PKP2: variants seen among roughly 807,000 people sequenced by gnomAD.
PKP2 encodes the protein plakophilin 2.
A neutral mutation model predicts 83.4 loss-of-function variants in PKP2; 73 were observed. The observed-to-expected ratio is 0.88, with a 90% CI of 0.72 to 1.06. The LOEUF (loss-of-function observed/expected upper bound fraction) is 1.06, where lower values mean the gene tolerates loss of function less well. Among genes scored for constraint, PKP2 ranks in the 50% least tolerant of loss-of-function variants. PKP2 has a pLI of 0.00. For synonymous variants in PKP2, 409 were observed against 430.4 expected (o/e 0.95, Z 0.62); for missense variants, 966 against 1,065.4 (o/e 0.91, Z 1.30).
chr12:32,890,707 C>T (rs1179463651), intron 1 of PKP2, among the ~76,000 whole-genome samples: 1 of 151,978 alleles, frequency 6.6e-6, no homozygotes, highest in Non-Finnish European at 1.5e-5. Flanking sequence ...GCCTGAGATC[C>T]CAGCACTTTG....
intron 2 of PKP2, 97 bp downstream of exon 2, chr12:32,878,823 T>C (rs1427081701): frequency 7.5e-6 from 6 of 802,372 alleles, no homozygotes; most frequent in Non-Finnish European, 1.3e-5. Context: ...ATGATAATAC[T>C]TGGGAAAAGT....
chr12:32,881,374 C>G (rs546265336), intron 1 of PKP2, among the ~76,000 whole-genome samples: 17 of 152,196 alleles, frequency 1.1e-4, no homozygotes, highest in Admixed American at 1.0e-3. Context: ...AATTTTTAAT[C>G]TCTATGGCAA....
chr12:32,869,214 A>C (rs1565596308), intron 3 of PKP2, 152 bp from the exon 4 acceptor site: 1 of 829,456 alleles, frequency 1.2e-6, no homozygotes, highest in Non-Finnish European at 2.0e-6. Context: ...TCAGCACCCA[A>C]GATCACAAGG....
At chr12:32,830,274 T>C (rs936954179) in intron 6 of PKP2, among the ~76,000 whole-genome samples, 4 of 152,198 alleles carry the variant, frequency 2.6e-5, no homozygotes, top group African/African-American at 9.7e-5. Flanking sequence ...TTGGGCCTTG[T>C]CTGTGATTAA....
At chr12:32,807,542 T>G (rs1209502741) in intron 9 of PKP2, among the ~76,000 whole-genome samples, 2 of 152,202 alleles carry the variant, frequency 1.3e-5, no homozygotes, top group African/African-American at 4.8e-5. Flanking sequence ...AGGCTAGTAT[T>G]GTTATGTGTG....
chr12:32,861,239 A>G (rs1173369860), intron 4 of PKP2, among the ~76,000 whole-genome samples: 4 of 152,192 alleles, frequency 2.6e-5, no homozygotes, highest in Non-Finnish European at 1.5e-5. Flanking sequence ...AGAAAAACCA[A>G]TCAATCAAAA....
Position 32,843,277 on chromosome 12 carries a change from G to A in PKP2, c.1379-2072C>T, listed in dbSNP as rs758950276. The A allele has an allele frequency of 4.1e-5, 56 of 1,349,464 alleles. No homozygotes were observed. The highest frequency in any genetic ancestry group is 5.3e-5 in the Non-Finnish European group (53 of 1,008,604). The allele number at this position is 1,349,464 out of a possible 1,614,324, so 83.6% of individuals were successfully genotyped here. On this transcript the variant is annotated intron_variant, in intron 5 of 12. Coordinates refer to ENST00000340811, the MANE Select transcript of PKP2 (RefSeq NM_001005242.3). ...ATTACAGGCGTGAGCCACCGCGCCC[G>A]GCCAGCCATTCCTACTTCTTAAATT...
chr12:32,832,183 C>G (rs1045190530), intron 6 of PKP2, among the ~76,000 whole-genome samples: 9 of 152,010 alleles, frequency 5.9e-5, no homozygotes, highest in African/African-American at 2.2e-4. Flanking sequence ...TTGAGACTAT[C>G]CTGGCCAACA....
intron 6 of PKP2, among the ~76,000 whole-genome samples, chr12:32,829,400 G>A (rs762868960): frequency 3.3e-5 from 5 of 151,196 alleles, no homozygotes; most frequent in Admixed American, 2.0e-4. Context: ...GACTACAGGC[G>A]CATGTCACCA....
At chr12:32,846,806 T>C (rs955103527) in intron 5 of PKP2, among the ~76,000 whole-genome samples, 1 of 148,890 alleles carries the variant, frequency 6.7e-6, no homozygotes, top group Non-Finnish European at 1.5e-5. Flanking sequence ...AAGAGCTCTC[T>C]GATCAGAGGA....
chr12:32,797,613 T>C (rs925994333), intron 10 of PKP2, among the ~76,000 whole-genome samples: 2 of 148,776 alleles, frequency 1.3e-5, no homozygotes, highest in African/African-American at 5.0e-5. Context: ...TGGAGTGCAG[T>C]GGCGCGATCT....
intron 9 of PKP2, among the ~76,000 whole-genome samples, chr12:32,808,225 T>C (rs1321703198): frequency 6.6e-6 from 1 of 152,192 alleles, no homozygotes; most frequent in Admixed American, 6.5e-5. Flanking sequence ...TTCATTCCTT[T>C]TCATTCTTTT....
intron 9 of PKP2, among the ~76,000 whole-genome samples, chr12:32,808,572 A>G (rs1447851111): frequency 6.6e-6 from 1 of 152,190 alleles, no homozygotes; most frequent in Non-Finnish European, 1.5e-5. Context: ...GCCTTGCTGG[A>G]GAGGTGTTGC....
chr12:32,817,302 C>T (rs1306874011), intron 9 of PKP2, among the ~76,000 whole-genome samples: 3 of 152,202 alleles, frequency 2.0e-5, no homozygotes, highest in Non-Finnish European at 4.4e-5. Flanking sequence ...AAGATTTAAA[C>T]GTTAAGACCT....
At chr12:32,802,231 T>C (rs1956187665) in intron 10 of PKP2, among the ~76,000 whole-genome samples, 172 bp downstream of exon 10, 1 of 152,114 alleles carries the variant, frequency 6.6e-6, no homozygotes, top group African/African-American at 2.4e-5. Flanking sequence ...TGAGATCCAC[T>C]GAGAAAGCCT....
At chr12:32,856,857 AGTT>A (rs537358064) in intron 4 of PKP2, among the ~76,000 whole-genome samples, 107 of 152,252 alleles carry the variant, frequency 7.0e-4, no homozygotes, top group African/African-American at 2.5e-3. Flanking sequence ...ATTTGCCCGG[AGTT>A]ATTGCCTTGT....
intron 9 of PKP2, among the ~76,000 whole-genome samples, chr12:32,806,619 CTAG>C (rs1210164953): frequency 6.6e-6 from 1 of 151,324 alleles, no homozygotes; most frequent in Non-Finnish European, 1.5e-5. Context: ...ATTAGTCTAG[CTAG>C]TAGATCATCT....
intron 1 of PKP2, among the ~76,000 whole-genome samples, chr12:32,887,245 G>A (rs1957038265): frequency 6.6e-6 from 1 of 152,128 alleles, no homozygotes; most frequent in East Asian, 1.9e-4. Context: ...TCCTGCAAGA[G>A]TGGGCCACAC....
At chr12:32,846,331 C>T (rs901667908) in intron 5 of PKP2, among the ~76,000 whole-genome samples, 7 of 151,916 alleles carry the variant, frequency 4.6e-5, no homozygotes, top group South Asian at 2.1e-4. Flanking sequence ...ACAATCTCAC[C>T]GGGGTGGGGG....
Sources: allele counts gnomAD v4.1 joint callset (sites outside exome capture counted in the v4.1 genomes callset), GRCh38; gene constraint gnomAD v4.1.1; transcripts MANE v1.5; gene names NCBI Gene and HGNC (gene_info 2026-07-23, HGNC 2026-07-21).